PTBP3: variants seen among roughly 807,000 people sequenced by gnomAD.
The protein encoded by PTBP3 is polypyrimidine tract-binding protein 3.
In PTBP3, 20 loss-of-function variants were observed where a neutral mutation model predicts 58.7. That is an observed-to-expected ratio of 0.34 (90% CI 0.24 to 0.50). The LOEUF (loss-of-function observed/expected upper bound fraction) is 0.50. Among genes scored for constraint, PTBP3 ranks in the 20% least tolerant of loss-of-function variants. PTBP3 has a pLI of 0.98. For synonymous variants in PTBP3, 185 were observed against 219.8 expected, an observed-to-expected ratio of 0.84 and a Z score of 1.40; for missense variants, 509 against 637.2, an observed-to-expected ratio of 0.80 and a Z score of 2.17.
Position 112,324,901 on chromosome 9 carries a change from T to C in PTBP3, c.-52+8569A>G, listed in dbSNP as rs7852908. On this transcript the variant is annotated intron_variant, in intron 1 of 13. Coordinates refer to ENST00000374257, the MANE Select transcript of PTBP3 (RefSeq NM_001163788.4). ...AACTCTAATATAAAGCTGATCAGAG[T>C]GTAAGGTGGTACAGCACTTTGAAAA... Among the ~76,000 whole-genome samples, 715 of 152,188 alleles carry C rather than the reference T, an allele frequency of 4.7e-3. 6 individuals are homozygous for C. The highest frequency in any genetic ancestry group is 0.017 in the African/African-American group (685 of 41,512).
intron 2 of PTBP3, among the ~76,000 whole-genome samples, chr9:112,292,610 C>A (rs1439000533): frequency 6.6e-6 from 1 of 152,072 alleles, no homozygotes; most frequent in Non-Finnish European, 1.5e-5. Flanking sequence ...AAAGGGAAAC[C>A]CTTCCATTTG....
chr9:112,237,271 A>G (rs1015186963), intron 7 of PTBP3, among the ~76,000 whole-genome samples: 4 of 152,152 alleles, frequency 2.6e-5, no homozygotes, highest in African/African-American at 9.7e-5. Context: ...AGAAACAGAA[A>G]CATCATATAG....
At chr9:112,340,167 A>T in the PTBP3 span, among the ~76,000 whole-genome samples, 7 of 152,126 alleles carry the variant, frequency 4.6e-5, no homozygotes, top group African/African-American at 1.7e-4. Flanking sequence ...AACCAGAACA[A>T]TGCCTACTAC....
Position 112,222,199 on chromosome 9 carries a change from C to A in PTBP3, c.*1652G>T, listed in dbSNP as rs1001332586. 1.9e-5 allele frequency: 19 copies of A among 984,076 alleles called. No individual in the cohort carries two copies. The African/African-American group carries it at 3.1e-4, about 16-fold the overall frequency. The allele number at this position is 984,076 out of a possible 1,614,324, so 61.0% of individuals were successfully genotyped here. On this transcript the variant is annotated 3_prime_UTR_variant, in exon 14 of 14. Transcript: ENST00000374257. Reference sequence around the variant, plus strand: ...AAAAAAATGACCCTTTTGACAAATTCTGCTTTAAAAAATTCTGATCAACAA... The same window carrying A: ...AAAAAAATGACCCTTTTGACAAATTATGCTTTAAAAAATTCTGATCAACAA...
At chr9:112,354,643 A>G in the PTBP3 span, among the ~76,000 whole-genome samples, 1 of 152,204 alleles carries the variant, frequency 6.6e-6, no homozygotes, top group Non-Finnish European at 1.5e-5. Flanking sequence ...GACACCTACA[A>G]AAATTTAATT....
intron 2 of PTBP3, among the ~76,000 whole-genome samples, chr9:112,290,517 T>C (rs1337953408): frequency 1.3e-5 from 2 of 150,102 alleles, no homozygotes; most frequent in Non-Finnish European, 3.0e-5. Flanking sequence ...AATAAAAATA[T>C]AAAAATTAGC....
At chr9:112,233,257 T>C (rs1361852606) in intron 8 of PTBP3, among the ~76,000 whole-genome samples, 1 of 149,168 alleles carries the variant, frequency 6.7e-6, no homozygotes, top group African/African-American at 2.5e-5. Context: ...AGAGCACAGT[T>C]GAGCTACACT....
upstream of PTBP3, among the ~76,000 whole-genome samples, chr9:112,334,389 T>A (rs1830521780): frequency 6.6e-6 from 1 of 152,174 alleles, no homozygotes; most frequent in African/African-American, 2.4e-5. Context: ...TGAAAATACA[T>A]ATACAAAGAG....
intron 12 of PTBP3, among the ~76,000 whole-genome samples, chr9:112,224,430 T>C (rs1260456226): frequency 6.6e-6 from 1 of 152,236 alleles, no homozygotes; most frequent in East Asian, 1.9e-4. Flanking sequence ...CATGTGCAGG[T>C]ATATAAAGGG....
the PTBP3 span, among the ~76,000 whole-genome samples, chr9:112,367,522 A>G: frequency 1.3e-5 from 2 of 152,032 alleles, no homozygotes; most frequent in East Asian, 1.9e-4. Context: ...TCAGAACAGT[A>G]TAGTATTGTT....
intron 4 of PTBP3, among the ~76,000 whole-genome samples, chr9:112,266,495 T>C (rs1183359303): frequency 1.3e-5 from 2 of 152,184 alleles, no homozygotes; most frequent in Non-Finnish European, 2.9e-5. Flanking sequence ...TTCATACATA[T>C]ACATTGGAAT....
intron 5 of PTBP3, among the ~76,000 whole-genome samples, chr9:112,254,426 T>C (rs767044190): frequency 9.2e-5 from 14 of 152,098 alleles, no homozygotes; most frequent in Non-Finnish European, 1.3e-4. Context: ...ACCTCAAAAT[T>C]AAAAACTTTT....
At chr9:112,253,930 G>A (rs373049822) in intron 5 of PTBP3, among the ~76,000 whole-genome samples, 14 of 152,126 alleles carry the variant, frequency 9.2e-5, no homozygotes, top group African/African-American at 3.4e-4. Flanking sequence ...GTGTGAAAAT[G>A]AACTAATATT....
At position 112,281,762 on chromosome 9, in the gene PTBP3, GGAATTTGTGTCTTTCAAA is replaced by G. The variant is rs555338319; in HGVS notation, c.35-5767_35-5750del. ...TTTCTATTGCTTTTGTATCAGTTTG[GGAATTTGTGTCTTTCAAA>G]GAATTTGTGCACTTCATCTGAAGTG... On this transcript the variant is annotated intron_variant, in intron 2 of 13. Coordinates refer to ENST00000374257, the MANE Select transcript of PTBP3 (RefSeq NM_001163788.4). Among the ~76,000 whole-genome samples, 372 of 152,142 alleles carry G rather than the reference GGAATTTGTGTCTTTCAAA, an allele frequency of 2.4e-3. 2 individuals are homozygous for G. Among genetic ancestry groups the G allele is most frequent in the African/African-American group, 8.8e-3 (365 of 41,508 alleles).
At chr9:112,359,319 A>C in the PTBP3 span, among the ~76,000 whole-genome samples, 142,246 of 151,892 alleles carry the variant, frequency 0.94, 66,690 homozygotes, top group Admixed American at 0.96. Context: ...TGATGGCGGG[A>C]ACCTGCAGTC....
chr9:112,283,763 A>G (rs915683771), intron 2 of PTBP3, among the ~76,000 whole-genome samples: 3 of 152,218 alleles, frequency 2.0e-5, no homozygotes, highest in Non-Finnish European at 4.4e-5. Flanking sequence ...ACAGACCTGG[A>G]GGCCTAAGAG....
chr9:112,374,010 T>A, the PTBP3 span, among the ~76,000 whole-genome samples: 1 of 151,950 alleles, frequency 6.6e-6, no homozygotes, highest in Non-Finnish European at 1.5e-5. Context: ...TGACCCAAAC[T>A]TTCATTTCTG....
At chr9:112,312,841 G>A (rs1225656933) in intron 1 of PTBP3, among the ~76,000 whole-genome samples, 1 of 151,930 alleles carries the variant, frequency 6.6e-6, no homozygotes, top group Non-Finnish European at 1.5e-5. Context: ...TCCAGGAGTT[G>A]GAGACCAGCC....
chr9:112,236,121 T>C (rs958593539), intron 7 of PTBP3, among the ~76,000 whole-genome samples: 2 of 152,098 alleles, frequency 1.3e-5, no homozygotes, highest in East Asian at 1.9e-4. Context: ...TAAAAACTCA[T>C]ATAATTTTAT....
Sources: gnomAD v4.1 joint callset for allele counts (sites outside exome capture counted in the v4.1 genomes callset) on GRCh38, gnomAD v4.1.1 for gene constraint, MANE v1.5 for transcripts, NCBI Gene and HGNC (gene_info 2026-07-23, HGNC 2026-07-21) for gene names.